TNNI3K: variants seen among roughly 807,000 people sequenced by gnomAD.
TNNI3K encodes the protein serine/threonine-protein kinase TNNI3K.
Under a neutral mutation model 114.5 loss-of-function variants are expected in TNNI3K, and 140 were observed. That is an observed-to-expected ratio of 1.22 (90% confidence interval 1.07 to 1.41). The LOEUF (loss-of-function observed/expected upper bound fraction) is 1.41, where lower values mean the gene tolerates loss of function less well. Among genes scored for constraint, TNNI3K ranks in the 40% most tolerant of loss-of-function variants. The pLI is 0.00. For synonymous variants in TNNI3K, 347 were observed against 347.5 expected, an observed-to-expected ratio of 1.00 and a Z score of 0.02; for missense variants, 1,125 against 1,007.6, an observed-to-expected ratio of 1.12 and a Z score of -1.58.
chr1:74,236,018 T>A, intron 1 of TNNI3K, 84 bp from the exon 2 acceptor site: 1 of 991,106 alleles, frequency 1.0e-6, no homozygotes, highest in African/African-American at 1.7e-5. Context: ...TAAAAAACAG[T>A]TTTGATTACT....
At chr1:74,362,183 T>C (rs1662003222) in intron 11 of TNNI3K, among the ~76,000 whole-genome samples, 1 of 152,118 alleles carries the variant, frequency 6.6e-6, no homozygotes, top group Admixed American at 6.6e-5. Context: ...ACCCTCTGAT[T>C]CCACTTTTCA....
intron 17 of TNNI3K, among the ~76,000 whole-genome samples, chr1:74,417,692 G>T (rs1665189067): frequency 2.5e-4 from 1 of 4,072 alleles, no homozygotes; most frequent in African/African-American, 5.1e-4. Flanking sequence ...TTGTGTGTGT[G>T]TGTGTGTGTG....
At chr1:74,500,938 T>C (rs1669593547) in intron 23 of TNNI3K, among the ~76,000 whole-genome samples, 1 of 152,152 alleles carries the variant, frequency 6.6e-6, no homozygotes, top group Admixed American at 6.5e-5. Flanking sequence ...ATGTTGTGTA[T>C]AGATATAAAT....
At chr1:74,316,069 A>T (rs544349108) in intron 5 of TNNI3K, among the ~76,000 whole-genome samples, 2 of 152,344 alleles carry the variant, frequency 1.3e-5, no homozygotes, top group African/African-American at 4.8e-5. Context: ...TTAAACAAAT[A>T]TTTACCAAGC....
chr1:74,304,697 A>G (rs571398367), intron 5 of TNNI3K, among the ~76,000 whole-genome samples: 1 of 152,082 alleles, frequency 6.6e-6, no homozygotes, highest in African/African-American at 2.4e-5. Flanking sequence ...CTCCTGCTCC[A>G]ATCTCCCAAA....
rs148981787 is a variant in TNNI3K at position 74,360,952 on chromosome 1, A to G, written c.1178-6304A>G. Among the ~76,000 whole-genome samples the G allele has an allele frequency of 4.8e-3, 730 of 152,194 alleles. 6 individuals are homozygous for G. Among genetic ancestry groups the G allele is most frequent in the African/African-American group, 0.016 (678 of 41,554 alleles). On this transcript the variant is annotated intron_variant, in intron 11 of 24. Transcript: ENST00000326637. ...TTGAATTCAGTGGATGACTCCTAAT[A>G]GATATTCATGCTTGTTGAAATCAGT...
At chr1:74,382,508 A>T (rs1309197285) in intron 17 of TNNI3K, among the ~76,000 whole-genome samples, 2 of 152,318 alleles carry the variant, frequency 1.3e-5, no homozygotes, top group Admixed American at 1.3e-4. Flanking sequence ...AGTCTAGATT[A>T]TCTTTCTCTA....
At chr1:74,533,562 G>T (rs1027446451) in intron 23 of TNNI3K, among the ~76,000 whole-genome samples, 14 of 152,270 alleles carry the variant, frequency 9.2e-5, no homozygotes, top group African/African-American at 3.1e-4. Flanking sequence ...CTATTACTGG[G>T]TATATACCCA....
In TNNI3K at chr1:74,236,121, C is replaced by A; in HGVS notation, c.60C>A (p.Val20=). The stretch of plus-strand genomic sequence containing the variant: ...TACTAGATGAATGGAAGAAAAAAGT[C>A]AGTGAATCATATGTTATCACAATAG... The part of the protein sequence containing the change: ...QTCTDEWKKK[V]SESYVITIER... Residue 20 remains valine, a synonymous_variant, in exon 2 of 25, where the codon GTC becomes GTA. Transcript: ENST00000326637. The A allele has an allele frequency of 6.2e-7, 1 of 1,605,594 alleles. No individual in the cohort carries two copies. Among genetic ancestry groups the A allele is most frequent in the South Asian group, 1.1e-5 (1 of 90,132 alleles).
At position 74,517,283 on chromosome 1, in the gene TNNI3K, T is replaced by C. The variant is rs559878208; in HGVS notation, c.2352-22951T>C. Among the ~76,000 whole-genome samples, 3 of 152,328 alleles carry C rather than the reference T, an allele frequency of 2.0e-5. No homozygotes were observed. The East Asian group carries it at 5.8e-4, about 29-fold the overall frequency. Reference sequence around the variant, plus strand: ...ATATTCTGTCAGGTCAGATAGTAAATCAATGCCTCATTAACGTTCATTAGA... The same window carrying C: ...ATATTCTGTCAGGTCAGATAGTAAACCAATGCCTCATTAACGTTCATTAGA... On this transcript the variant is annotated intron_variant, in intron 23 of 24. Coordinates refer to ENST00000326637, the MANE Select transcript of TNNI3K (RefSeq NM_015978.3).
At chr1:74,494,941 C>G (rs1391006595) in intron 23 of TNNI3K, among the ~76,000 whole-genome samples, 1 of 152,158 alleles carries the variant, frequency 6.6e-6, no homozygotes, top group Non-Finnish European at 1.5e-5. Flanking sequence ...ATAGGAGGCA[C>G]AGCAGCAGTC....
chr1:74,431,318 A>T (rs566678213), intron 17 of TNNI3K, among the ~76,000 whole-genome samples: 1 of 151,846 alleles, frequency 6.6e-6, no homozygotes, highest in Non-Finnish European at 1.5e-5. Flanking sequence ...TCTTAAGACT[A>T]TTTTTTTCTA....
chr1:74,399,832 A>C (rs1362266871), intron 17 of TNNI3K, among the ~76,000 whole-genome samples: 2 of 152,194 alleles, frequency 1.3e-5, no homozygotes, highest in African/African-American at 4.8e-5. Flanking sequence ...ATATCCAATC[A>C]AACTAATAGT....
chr1:74,470,480 C>T (rs919963650), intron 21 of TNNI3K: 12 of 400,514 alleles, frequency 3.0e-5, no homozygotes, highest in South Asian at 1.3e-4. Flanking sequence ...AGGTGCCAAA[C>T]GGCTTGACTA....
rs759280555 is a variant in TNNI3K, at chr1:74,369,008, A to G, written c.1322-14A>G. 29 of 1,586,462 alleles carry G rather than the reference A, an allele frequency of 1.8e-5. No individual in the cohort carries two copies. The highest frequency in any genetic ancestry group is 2.3e-5 in the Non-Finnish European group (27 of 1,168,552). ...TTTTACCTTAAAAAATAAAATGACA[A>G]TTTCTCTTTGCAGAGAAGGCAGATA... On this transcript the variant is annotated splice_polypyrimidine_tract_variant and intron_variant, in intron 13 of 24. Transcript: ENST00000326637.
intron 17 of TNNI3K, among the ~76,000 whole-genome samples, chr1:74,399,254 A>G (rs1664243053): frequency 6.6e-6 from 1 of 151,838 alleles, no homozygotes; most frequent in Admixed American, 6.6e-5. Context: ...GACAACCCCA[A>G]GGAAAGACTT....
chr1:74,375,758 C>G, intron 17 of TNNI3K: 1 of 359,826 alleles, frequency 2.8e-6, no homozygotes, highest in Non-Finnish European at 5.7e-6. Context: ...CCCCCATCCT[C>G]AAGTTTTTGA....
intron 17 of TNNI3K, among the ~76,000 whole-genome samples, chr1:74,422,970 G>C (rs977987202): frequency 6.6e-6 from 1 of 152,088 alleles, no homozygotes; most frequent in Admixed American, 6.6e-5. Flanking sequence ...GTCTCAGTTG[G>C]TGGATTCATG....
chr1:74,492,859 G>A (rs938258205), intron 23 of TNNI3K, among the ~76,000 whole-genome samples: 14 of 152,098 alleles, frequency 9.2e-5, no homozygotes, highest in African/African-American at 3.1e-4. Context: ...ATGTATTTCC[G>A]CAGTCTGAAA....
Sources: gnomAD v4.1 joint callset for allele counts (sites outside exome capture counted in the v4.1 genomes callset) on GRCh38, gnomAD v4.1.1 for gene constraint, MANE v1.5 for transcripts, NCBI Gene and HGNC (gene_info 2026-07-23, HGNC 2026-07-21) for gene names.